The following GLIS3 variants were observed in gnomAD, a reference collection of about 807,000 sequenced individuals.
GLIS3 encodes the protein zinc finger protein GLIS3.
GLIS3 carries 53 observed loss-of-function variants against 78.6 expected under a neutral mutation model. That is an observed-to-expected ratio of 0.67 (90% CI 0.54 to 0.85). The LOEUF is 0.85. Among genes scored for constraint, GLIS3 ranks in the 40% least tolerant of loss-of-function variants. GLIS3 has a pLI of 0.00. For missense variants in GLIS3, 1,703 were observed against 1,231.1 expected, an observed-to-expected ratio of 1.38 and a Z score of -5.74; for synonymous variants, 684 against 509.9, an observed-to-expected ratio of 1.34 and a Z score of -4.60.
intron 4 of GLIS3, among the ~76,000 whole-genome samples, chr9:3,957,515 C>G (rs1346835111): frequency 6.6e-6 from 1 of 152,182 alleles, no homozygotes; most frequent in Admixed American, 6.5e-5. Context: ...AACCAAGGGA[C>G]TTATCAAGCA....
intron 2 of GLIS3, among the ~76,000 whole-genome samples, chr9:4,265,936 G>GTTTGTTTT (rs56341848): frequency 0.057 from 8,552 of 149,072 alleles, 699 homozygotes; most frequent in African/African-American, 0.18. Context: ...TTGTTTGTTT[G>GTTTGTTTT]GAGACGGAGT....
At chr9:3,952,353 C>T (rs1215319519) in intron 4 of GLIS3, among the ~76,000 whole-genome samples, 1 of 152,148 alleles carries the variant, frequency 6.6e-6, no homozygotes, top group Non-Finnish European at 1.5e-5. Flanking sequence ...CCAGAAGCCC[C>T]CCCAGAGGCA....
At chr9:4,484,248 A>G in the GLIS3 span, among the ~76,000 whole-genome samples, 6 of 145,834 alleles carry the variant, frequency 4.1e-5, no homozygotes. Flanking sequence ...TATTTTTTTT[A>G]TTTTTTTGAG....
chr9:4,237,293 C>T lies in GLIS3; in HGVS notation c.388+48745G>A, dbSNP rs147033455. Among the ~76,000 whole-genome samples the T allele has an allele frequency of 4.0e-3, 600 of 151,886 alleles. 3 individuals carry two copies. The highest frequency in any genetic ancestry group is 0.014 in the African/African-American group (583 of 41,456). ...GGTTAAGTACAGTACAGTCTCTAGA[C>T]GGAATATTACACAGCCACAAAAATG... On this transcript the variant is annotated intron_variant, in intron 2 of 10. Coordinates refer to ENST00000381971, the MANE Select transcript of GLIS3 (RefSeq NM_001042413.2).
chr9:4,454,918 C>T, the GLIS3 span, among the ~76,000 whole-genome samples: 10 of 152,124 alleles, frequency 6.6e-5, no homozygotes, highest in Non-Finnish European at 1.2e-4. Flanking sequence ...GCCTTTAATT[C>T]TACATTTTTC....
chr9:4,044,512 A>G (rs1825089072), intron 4 of GLIS3, among the ~76,000 whole-genome samples: 1 of 152,128 alleles, frequency 6.6e-6, no homozygotes, highest in Admixed American at 6.5e-5. Flanking sequence ...TTTTTCAGTG[A>G]AAATTATTCA....
chr9:4,044,623 G>T (rs935856667), intron 4 of GLIS3, among the ~76,000 whole-genome samples: 1 of 152,202 alleles, frequency 6.6e-6, no homozygotes, highest in Admixed American at 6.5e-5. Flanking sequence ...GCACATTGCA[G>T]TCTGGGTTGG....
the GLIS3 span, among the ~76,000 whole-genome samples, chr9:4,414,494 C>A: frequency 6.6e-6 from 1 of 152,144 alleles, no homozygotes. Flanking sequence ...GGTGGTCAAA[C>A]AATTATAGGA....
At chr9:4,003,626 C>G (rs374191579) in intron 4 of GLIS3, among the ~76,000 whole-genome samples, 1 of 152,146 alleles carries the variant, frequency 6.6e-6, no homozygotes, top group African/African-American at 2.4e-5. Context: ...CTAAGTCTCT[C>G]CATCACCATT....
At chr9:4,146,203 C>T (rs1279339498) in intron 2 of GLIS3, among the ~76,000 whole-genome samples, 1 of 152,072 alleles carries the variant, frequency 6.6e-6, no homozygotes, top group Non-Finnish European at 1.5e-5. Context: ...TCTTTATGCA[C>T]CAGAACTTTA....
At chr9:4,204,996 G>C (rs964233710) in intron 2 of GLIS3, among the ~76,000 whole-genome samples, 2 of 150,470 alleles carry the variant, frequency 1.3e-5, no homozygotes, top group Admixed American at 1.3e-4. Flanking sequence ...TGGCCAACAT[G>C]ATGAAACCCC....
At chr9:4,275,781 T>G (rs1204709369) in intron 2 of GLIS3, among the ~76,000 whole-genome samples, 2 of 151,850 alleles carry the variant, frequency 1.3e-5, no homozygotes, top group Non-Finnish European at 2.9e-5. Context: ...AATAAGCAAG[T>G]AAGTAAATAA....
intron 2 of GLIS3, among the ~76,000 whole-genome samples, chr9:4,204,699 C>T (rs984924280): frequency 1.3e-5 from 2 of 152,122 alleles, no homozygotes; most frequent in East Asian, 3.9e-4. Context: ...GGGCAGACTG[C>T]CTGAGCTCAG....
intron 4 of GLIS3, among the ~76,000 whole-genome samples, chr9:4,076,434 C>T (rs1053108042): frequency 2.6e-5 from 4 of 152,056 alleles, no homozygotes; most frequent in Admixed American, 6.5e-5. Flanking sequence ...TCCTATGCTC[C>T]CATACCTAAA....
chr9:3,897,350 T>C (rs113923871), intron 7 of GLIS3, among the ~76,000 whole-genome samples: 1,913 of 152,332 alleles, frequency 0.013, 39 homozygotes, highest in African/African-American at 0.043. Flanking sequence ...AATTGTTTGC[T>C]AATTTAATGT....
chr9:4,383,157 A>C, the GLIS3 span, among the ~76,000 whole-genome samples: 2 of 152,256 alleles, frequency 1.3e-5, no homozygotes, highest in Admixed American at 6.5e-5. Context: ...GAGTAGAAGT[A>C]GGCCTCCCAC....
intron 4 of GLIS3, among the ~76,000 whole-genome samples, chr9:4,087,004 G>A (rs1347913509): frequency 6.6e-6 from 1 of 152,168 alleles, no homozygotes; most frequent in Non-Finnish European, 1.5e-5. Context: ...CTAGTTTAGT[G>A]CTATGTGTAC....
intron 6 of GLIS3, among the ~76,000 whole-genome samples, chr9:3,920,141 C>T (rs879570467): frequency 1.3e-4 from 20 of 151,718 alleles, no homozygotes; most frequent in Non-Finnish European, 2.6e-4. Flanking sequence ...GTAGCTGGGA[C>T]TACAGGCGCC....
chr9:4,397,881 C>G, the GLIS3 span, among the ~76,000 whole-genome samples: 3 of 151,926 alleles, frequency 2.0e-5, no homozygotes, highest in Non-Finnish European at 2.9e-5. Context: ...AGCATACTGT[C>G]AAGCAAACAA....
Sources: gnomAD v4.1 joint callset for allele counts (sites outside exome capture counted in the v4.1 genomes callset) on GRCh38, gnomAD v4.1.1 for gene constraint, MANE v1.5 for transcripts, NCBI Gene and HGNC (gene_info 2026-07-23, HGNC 2026-07-21) for gene names.